EIF2B3: variants seen among roughly 807,000 people sequenced by gnomAD.
The protein encoded by EIF2B3 is translation initiation factor eIF2B subunit gamma.
A neutral mutation model predicts 54.1 loss-of-function variants in EIF2B3; 20 were observed. That is an observed-to-expected ratio of 0.37 (90% CI 0.26 to 0.54). The LOEUF (loss-of-function observed/expected upper bound fraction) is 0.54, where lower values mean the gene tolerates loss of function less well. Ranked by LOEUF, EIF2B3 falls within the 20% of genes least tolerant of loss-of-function variation. EIF2B3 has a pLI of 0.86. For missense variants in EIF2B3, 448 were observed against 547.8 expected, an observed-to-expected ratio of 0.82 and a Z score of 1.82; for synonymous variants, 153 against 188.1, an observed-to-expected ratio of 0.81 and a Z score of 1.52.
rs1008654864 is a variant in EIF2B3, at chr1:44,967,163, G to A, written c.294+11152C>T. 1.1e-4 allele frequency among the ~76,000 whole-genome samples: 16 copies of A among 151,464 alleles called. No homozygotes were observed. The East Asian group carries it at 2.8e-3, about 26-fold the overall frequency. ...AAGCTAAAGTAAGAAAATGATAAAT[G>A]TGGCTGGGCGTGGTGGCTCACGCTT... On this transcript the variant is annotated intron_variant, in intron 3 of 11. Transcript: ENST00000360403.
intron 8 of EIF2B3, among the ~76,000 whole-genome samples, chr1:44,878,271 T>TC (rs1655262584): frequency 6.6e-6 from 1 of 152,156 alleles, no homozygotes; most frequent in East Asian, 1.9e-4. Flanking sequence ...ATTTTCTTTT[T>TC]CTTTTTTTTG....
At chr1:44,857,650 A>G (rs1483787880) in intron 11 of EIF2B3, 54 bp downstream of exon 11, 5 of 1,520,944 alleles carry the variant, frequency 3.3e-6, no homozygotes, top group Non-Finnish European at 4.6e-6. Flanking sequence ...CTTTGGCATT[A>G]TCAGTGCTGG....
At chr1:44,943,417 T>C (rs577440587) in intron 3 of EIF2B3, among the ~76,000 whole-genome samples, 145 of 138,158 alleles carry the variant, frequency 1.0e-3, no homozygotes, top group Non-Finnish European at 1.5e-3. Context: ...TCTATATCTA[T>C]ATCTAAATTT....
chr1:44,912,591 T>C (rs1438598682), intron 5 of EIF2B3, among the ~76,000 whole-genome samples: 1 of 152,160 alleles, frequency 6.6e-6, no homozygotes, highest in Admixed American at 6.6e-5. Flanking sequence ...ATTCTCGGCA[T>C]ATAGGATTCA....
intron 6 of EIF2B3, among the ~76,000 whole-genome samples, chr1:44,890,551 G>A (rs564217145): frequency 1.3e-5 from 2 of 152,166 alleles, no homozygotes; most frequent in Non-Finnish European, 2.9e-5. Flanking sequence ...AAGACATTTG[G>A]TCTAAATTAG....
At chr1:44,877,412 G>A (rs1223515955) in intron 8 of EIF2B3, among the ~76,000 whole-genome samples, 5 of 152,018 alleles carry the variant, frequency 3.3e-5, no homozygotes, top group African/African-American at 1.2e-4. Flanking sequence ...GTAATGCCAT[G>A]TCCCTTGGCT....
intron 3 of EIF2B3, chr1:44,972,439 C>T (rs910590923): frequency 3.3e-5 from 5 of 152,030 alleles, no homozygotes; most frequent in African/African-American, 1.2e-4. Context: ...CCTGTCTCTA[C>T]TAAAAACACA....
At chr1:44,922,286 C>A (rs986046020) in intron 5 of EIF2B3, among the ~76,000 whole-genome samples, 5 of 150,178 alleles carry the variant, frequency 3.3e-5, no homozygotes, top group African/African-American at 1.2e-4. Flanking sequence ...ATAGGGATTG[C>A]ATAAAATCTA....
At chr1:44,945,154 T>C (rs1278175444) in intron 3 of EIF2B3, among the ~76,000 whole-genome samples, 1 of 152,152 alleles carries the variant, frequency 6.6e-6, no homozygotes, top group Non-Finnish European at 1.5e-5. Flanking sequence ...GCCTGAACAA[T>C]TTCTTTTGAA....
intron 3 of EIF2B3, among the ~76,000 whole-genome samples, chr1:44,966,787 G>A (rs1056913567): frequency 6.6e-6 from 1 of 152,092 alleles, no homozygotes; most frequent in Admixed American, 6.5e-5. Context: ...GCACATATAA[G>A]AAAGACATGC....
intron 6 of EIF2B3, 31 bp downstream of exon 6, chr1:44,897,324 G>A (rs1452219434): frequency 2.0e-6 from 3 of 1,513,406 alleles, no homozygotes; most frequent in African/African-American, 1.4e-5. Flanking sequence ...GTTAAGTACT[G>A]TAGGTTTGAC....
At chr1:44,913,602 G>A (rs1643560277) in intron 5 of EIF2B3, among the ~76,000 whole-genome samples, 1 of 152,102 alleles carries the variant, frequency 6.6e-6, no homozygotes, top group African/African-American at 2.4e-5. Flanking sequence ...ACTCCTGAGT[G>A]CAAGGGATCT....
At chr1:44,967,215 G>A (rs921718903) in intron 3 of EIF2B3, among the ~76,000 whole-genome samples, 2 of 151,182 alleles carry the variant, frequency 1.3e-5, no homozygotes, top group African/African-American at 4.9e-5. Context: ...GGGAGGCTGA[G>A]GCAGGCAGAT....
In EIF2B3 at chr1:44,926,690, G is replaced by A. The variant is rs1419319885; in HGVS notation, c.504C>T (p.Leu168=). Residue 168 remains leucine, a synonymous_variant, in exon 5 of 12, where the codon CTC becomes CTT. Coordinates refer to ENST00000360403, the MANE Select transcript of EIF2B3 (RefSeq NM_020365.5). ...IGVDSTGKRL[L]FMANEADLDE... ...CCAAGTCTGCTTCATTAGCCATGAA[G>A]AGCAGCCTCTTTCCTGTGCTGTCCA... 3 of 1,613,846 alleles carry A rather than the reference G, an allele frequency of 1.9e-6. No homozygotes were observed. Among genetic ancestry groups the A allele is most frequent in the Non-Finnish European group, 2.5e-6 (3 of 1,180,012 alleles).
chr1:44,926,885 A>G, intron 4 of EIF2B3, 146 bp from the exon 5 acceptor site: 1 of 754,536 alleles, frequency 1.3e-6, no homozygotes, highest in Non-Finnish European at 2.2e-6. Context: ...CTGTAATCCC[A>G]AGACTTTGGG....
At chr1:44,879,776 T>A in intron 8 of EIF2B3, 42 bp downstream of exon 8, 1 of 1,601,792 alleles carries the variant, frequency 6.2e-7, no homozygotes, top group African/African-American at 1.3e-5. Flanking sequence ...TCAGTCTGTT[T>A]CTAGGACAAG....
chr1:44,923,945 T>G (rs1326173599), intron 5 of EIF2B3, among the ~76,000 whole-genome samples: 1 of 149,538 alleles, frequency 6.7e-6, no homozygotes, highest in African/African-American at 2.5e-5. Flanking sequence ...CTTTCCTTTT[T>G]TTTTTTTTTT....
At chr1:44,911,558 T>C (rs1643515629) in intron 5 of EIF2B3, among the ~76,000 whole-genome samples, 1 of 152,212 alleles carries the variant, frequency 6.6e-6, no homozygotes, top group Non-Finnish European at 1.5e-5. Flanking sequence ...GTAATTACAA[T>C]TAAGGCAGTT....
At chr1:44,946,867 G>A (rs1203916137) in intron 3 of EIF2B3, among the ~76,000 whole-genome samples, 3 of 152,050 alleles carry the variant, frequency 2.0e-5, no homozygotes, top group African/African-American at 7.3e-5. Flanking sequence ...AGTAACTGGA[G>A]CCCAGAGAGA....
Sources: allele counts gnomAD v4.1 joint callset (sites outside exome capture counted in the v4.1 genomes callset), GRCh38; gene constraint gnomAD v4.1.1; transcripts MANE v1.5; gene names NCBI Gene and HGNC (gene_info 2026-07-23, HGNC 2026-07-21).